RPS6KA2: variants seen among roughly 807,000 people sequenced by gnomAD.
RPS6KA2 encodes ribosomal protein S6 kinase alpha-2.
A neutral mutation model predicts 91.8 loss-of-function variants in RPS6KA2; 42 were observed. The observed-to-expected ratio is 0.46, with a 90% CI of 0.36 to 0.59. The LOEUF is 0.59. Ranked by LOEUF, RPS6KA2 falls within the 20% of genes least tolerant of loss-of-function variation. The pLI is 0.00. For missense variants in RPS6KA2, 798 were observed against 978.5 expected (o/e 0.82, Z 2.46); for synonymous variants, 414 against 393.6 (o/e 1.05, Z -0.61).
intron 2 of RPS6KA2, among the ~76,000 whole-genome samples, chr6:166,806,507 C>T (rs1779495841): frequency 6.6e-6 from 1 of 152,142 alleles, no homozygotes; most frequent in African/African-American, 2.4e-5. Flanking sequence ...AAAAACCCAT[C>T]AACCAAGAAT....
chr6:166,758,284 C>T (rs2128602068), intron 2 of RPS6KA2, among the ~76,000 whole-genome samples: 1 of 152,340 alleles, frequency 6.6e-6, no homozygotes, highest in East Asian at 1.9e-4. Context: ...GATGCCTCCG[C>T]CCCAGAGACA....
intron 2 of RPS6KA2, among the ~76,000 whole-genome samples, chr6:166,682,974 G>A (rs1188775738): frequency 6.6e-6 from 1 of 152,218 alleles, no homozygotes; most frequent in Admixed American, 6.5e-5. Context: ...GTAAGTGAAG[G>A]CATGAATGAA....
intron 7 of RPS6KA2, among the ~76,000 whole-genome samples, chr6:166,499,192 CAGGTGCCACAG>C (rs1781922952): frequency 6.6e-6 from 1 of 152,196 alleles, no homozygotes; most frequent in Admixed American, 6.5e-5. Flanking sequence ...CAGGGATCTC[CAGGTGCCACAG>C]AGCAAGGAGG....
At chr6:166,782,012 G>A (rs529054322) in intron 2 of RPS6KA2, among the ~76,000 whole-genome samples, 5 of 152,304 alleles carry the variant, frequency 3.3e-5, no homozygotes, top group African/African-American at 4.8e-5. Context: ...TCTAGAGGCC[G>A]GGCATGGTGA....
chr6:166,705,278 A>G (rs1789649268), intron 2 of RPS6KA2, among the ~76,000 whole-genome samples: 2 of 152,222 alleles, frequency 1.3e-5, no homozygotes, highest in African/African-American at 4.8e-5. Flanking sequence ...ATCATGTCCC[A>G]TTAAATTTTA....
chr6:166,482,775 T>A (rs1362630154), intron 10 of RPS6KA2, among the ~76,000 whole-genome samples: 1 of 151,998 alleles, frequency 6.6e-6, no homozygotes, highest in African/African-American at 2.4e-5. Context: ...TGTGTTTGGG[T>A]GGGACTGGAG....
chr6:166,665,159 C>T lies in RPS6KA2; in HGVS notation c.124-126375G>A, dbSNP rs1162701355. Among the ~76,000 whole-genome samples the T allele has an allele frequency of 1.3e-5, 2 of 151,426 alleles. No homozygotes were observed. The highest frequency in any genetic ancestry group is 2.9e-5 in the Non-Finnish European group (2 of 67,980). On this transcript the variant is annotated intron_variant, in intron 2 of 21. Transcript: ENST00000503859. The surrounding 1 kb of genome is among the most constrained non-coding windows in gnomAD (Gnocchi z 4.5). Reference sequence around the variant, plus strand: ...GTCAGGGTGTTCAAGTTCTGCCTTCCATACAGAACAACATCTGCAGGGCTC... The same window carrying T: ...GTCAGGGTGTTCAAGTTCTGCCTTCTATACAGAACAACATCTGCAGGGCTC...
chr6:166,492,135 T>C (rs754511394), intron 8 of RPS6KA2, among the ~76,000 whole-genome samples: 1 of 152,158 alleles, frequency 6.6e-6, no homozygotes, highest in Non-Finnish European at 1.5e-5. Flanking sequence ...ATATTACCAG[T>C]CTGCTTTCTG....
chr6:166,635,645 C>T lies in RPS6KA2; in HGVS notation c.124-96861G>A, dbSNP rs541522083. 6.6e-6 allele frequency among the ~76,000 whole-genome samples: 1 copy of T among 152,220 alleles called. No homozygotes were observed. The highest frequency in any genetic ancestry group is 6.5e-5 in the Admixed American group (1 of 15,300). ...GGGTGCTAGGTCACATGGTAGAGAGCCCCATGGAGTTTACCCCAGAAGAGG... is the reference window on the plus strand; with the variant it reads ...GGGTGCTAGGTCACATGGTAGAGAGTCCCATGGAGTTTACCCCAGAAGAGG... On this transcript the variant is annotated intron_variant, in intron 2 of 21. Transcript: ENST00000503859. This position sits in a 1 kb window ranked among gnomAD's most constrained non-coding sequence, Gnocchi z 4.8.
At chr6:166,476,557 G>C (rs1446194077) in intron 10 of RPS6KA2, among the ~76,000 whole-genome samples, 1 of 152,182 alleles carries the variant, frequency 6.6e-6, no homozygotes, top group Non-Finnish European at 1.5e-5. Flanking sequence ...CTGTCAACTG[G>C]ACTGAACGGA....
Position 166,493,875 on chromosome 6 carries a change from T to G in RPS6KA2, c.748-3134A>C, listed in dbSNP as rs1053714678. Among the ~76,000 whole-genome samples, 1 of 152,184 alleles carries G rather than the reference T, an allele frequency of 6.6e-6. No homozygotes were observed. The highest frequency in any genetic ancestry group is 2.4e-5 in the African/African-American group (1 of 41,438). On this transcript the variant is annotated intron_variant, in intron 8 of 20. Transcript: ENST00000265678. This position sits in a 1 kb window ranked among gnomAD's most constrained non-coding sequence, Gnocchi z 4.7. ...TGTCCAGTCCCGACCTCAACAGTGC[T>G]GGCTGAGAAGCCCTGTCTAAAGGGA...
chr6:166,659,843 T>G (rs1788110474), intron 2 of RPS6KA2, among the ~76,000 whole-genome samples: 1 of 152,234 alleles, frequency 6.6e-6, no homozygotes, highest in Non-Finnish European at 1.5e-5. Context: ...AGTGACAGCA[T>G]GCGGTGGTAG....
At chr6:166,638,711 T>C (rs1364753379) in intron 2 of RPS6KA2, among the ~76,000 whole-genome samples, 1 of 152,114 alleles carries the variant, frequency 6.6e-6, no homozygotes, top group Non-Finnish European at 1.5e-5. Context: ...AGAGGATGGG[T>C]CCCAGGGGAC....
intron 2 of RPS6KA2, among the ~76,000 whole-genome samples, chr6:166,816,909 T>C (rs1326034369): frequency 1.3e-5 from 2 of 152,104 alleles, no homozygotes; most frequent in East Asian, 1.9e-4. Flanking sequence ...CCAACCCAAA[T>C]GCTTGGGTTG....
intron 11 of RPS6KA2, among the ~76,000 whole-genome samples, chr6:166,467,578 C>T (rs778117242): frequency 6.6e-6 from 1 of 152,098 alleles, no homozygotes; most frequent in Admixed American, 6.6e-5. Context: ...GAGACTTGGG[C>T]AGGAGGGGCC....
intron 2 of RPS6KA2, among the ~76,000 whole-genome samples, chr6:166,771,803 C>T (rs1562430306): frequency 6.6e-6 from 1 of 152,218 alleles, no homozygotes; most frequent in African/African-American, 2.4e-5. Flanking sequence ...TGCCAGCGGC[C>T]TCTGCTGCCT....
At chr6:166,553,642 T>C (rs1466264912) in intron 1 of RPS6KA2, among the ~76,000 whole-genome samples, 1 of 152,064 alleles carries the variant, frequency 6.6e-6, no homozygotes, top group Non-Finnish European at 1.5e-5. Flanking sequence ...GGCTCTGACG[T>C]GGGCCAGTCA....
intron 2 of RPS6KA2, among the ~76,000 whole-genome samples, chr6:166,696,862 C>G (rs563417495): frequency 5.3e-5 from 8 of 152,318 alleles, no homozygotes; most frequent in African/African-American, 1.7e-4. Flanking sequence ...ACCAGCTCTT[C>G]CTGGGTTTTG....
At chr6:166,694,331 A>T (rs939109034) in intron 2 of RPS6KA2, among the ~76,000 whole-genome samples, 3 of 152,188 alleles carry the variant, frequency 2.0e-5, no homozygotes, top group African/African-American at 7.2e-5. Flanking sequence ...CTTTAGGTGA[A>T]CTTGCTGGGA....
Sources: allele counts gnomAD v4.1 joint callset (sites outside exome capture counted in the v4.1 genomes callset), GRCh38; gene constraint gnomAD v4.1.1; non-coding constraint Gnocchi (gnomAD v3.1); transcripts MANE v1.5; gene names NCBI Gene and HGNC (gene_info 2026-07-23, HGNC 2026-07-21).